Variants in CSMD1 observed in about 807,000 individuals in gnomAD.
CSMD1 encodes CUB and sushi domain-containing protein 1.
In CSMD1, 213 loss-of-function variants were observed where a neutral mutation model predicts 417.5. The observed-to-expected ratio is 0.51, with a 90% CI of 0.46 to 0.57. The LOEUF (loss-of-function observed/expected upper bound fraction) is 0.57, where lower values mean the gene tolerates loss of function less well. Ranked by LOEUF, CSMD1 falls within the 20% of genes least tolerant of loss-of-function variation. The probability of loss-of-function intolerance (pLI) is 0.00; values close to 1 mark genes in which losing one functional copy is unlikely to be tolerated. For synonymous variants in CSMD1, 2,862 were observed against 1,736.8 expected, an observed-to-expected ratio of 1.65 and a Z score of -16.11; for missense variants, 6,923 against 4,529.7, an observed-to-expected ratio of 1.53 and a Z score of -15.17.
chr8:4,046,328 T>G (rs1226409915), intron 3 of CSMD1, among the ~76,000 whole-genome samples: 1 of 152,160 alleles, frequency 6.6e-6, no homozygotes, highest in Non-Finnish European at 1.5e-5. Flanking sequence ...GGAAGTTAGC[T>G]TCTAAAAATA....
At chr8:3,957,707 G>T (rs1388170915) in intron 5 of CSMD1, among the ~76,000 whole-genome samples, 1 of 112,288 alleles carries the variant, frequency 8.9e-6, no homozygotes, top group Non-Finnish European at 1.9e-5. Context: ...AAGAGAAGAG[G>T]AAAAGAGAAA....
In CSMD1 at chr8:4,043,591, C is replaced by G. The variant is rs77093937; in HGVS notation, c.416-11492G>C. Among the ~76,000 whole-genome samples the G allele has an allele frequency of 2.8e-3, 425 of 152,264 alleles. 8 individuals are homozygous for G. In the East Asian group the frequency reaches 0.05, roughly 18 times the overall value. Reference sequence around the variant, plus strand: ...TGTCTGGCCGCCTTGAGGGGGAAATCAATGTAGAATAGCCAAACTGGAATT... The same window carrying G: ...TGTCTGGCCGCCTTGAGGGGGAAATGAATGTAGAATAGCCAAACTGGAATT... On this transcript the variant is annotated intron_variant, in intron 3 of 69. Transcript: ENST00000635120.
Position 3,069,255 on chromosome 8 carries a change from G to A in CSMD1, c.7475-16608C>T, listed in dbSNP as rs149751999. On this transcript the variant is annotated intron_variant, in intron 49 of 69. Coordinates refer to ENST00000635120, the MANE Select transcript of CSMD1 (RefSeq NM_033225.6). ...TTGAGACCAGCCTGGCCAACATGGT[G>A]AACACCCTGTCGCTACTAAAAATAC... Among the ~76,000 whole-genome samples the A allele has an allele frequency of 7.3e-3, 1,107 of 151,966 alleles. 12 individuals carry two copies. Among genetic ancestry groups the A allele is most frequent in the African/African-American group, 0.025 (1,035 of 41,446 alleles).
chr8:4,864,376 G>GT (rs1302582525), intron 1 of CSMD1, among the ~76,000 whole-genome samples: 7 of 151,924 alleles, frequency 4.6e-5, no homozygotes, highest in African/African-American at 1.4e-4. Context: ...ACGTAAAAAT[G>GT]TATTTGTCTT....
Position 4,479,832 on chromosome 8 carries a change from C to T in CSMD1, c.303-59767G>A, listed in dbSNP as rs558573129. Among the ~76,000 whole-genome samples, 7 of 151,868 alleles carry T rather than the reference C, an allele frequency of 4.6e-5. No homozygotes were observed. The East Asian group carries it at 1.2e-3, about 25-fold the overall frequency. On this transcript the variant is annotated intron_variant, in intron 2 of 69. Coordinates refer to ENST00000635120, the MANE Select transcript of CSMD1 (RefSeq NM_033225.6). Reference sequence around the variant, plus strand: ...CACAAAAATTAGCCAGGCGTGGTGGCGCCCACTCCTTTAGTTCCAGCTACT... The same window carrying T: ...CACAAAAATTAGCCAGGCGTGGTGGTGCCCACTCCTTTAGTTCCAGCTACT...
At chr8:4,840,535 G>C (rs115678714) in intron 1 of CSMD1, among the ~76,000 whole-genome samples, 5 of 152,200 alleles carry the variant, frequency 3.3e-5, no homozygotes, top group South Asian at 2.1e-4. Flanking sequence ...TGAAGGAGCA[G>C]CTTTCAAAAT....
At chr8:3,328,828 A>G (rs1474997285) in intron 23 of CSMD1, among the ~76,000 whole-genome samples, 1 of 152,238 alleles carries the variant, frequency 6.6e-6, no homozygotes. Context: ...GTTATATATG[A>G]TATCTTTTAA....
At chr8:4,351,874 C>A (rs1225672130) in intron 3 of CSMD1, among the ~76,000 whole-genome samples, 1 of 151,658 alleles carries the variant, frequency 6.6e-6, no homozygotes, top group East Asian at 1.9e-4. Flanking sequence ...TACGACAGGA[C>A]TTGTATGTGG....
intron 26 of CSMD1, among the ~76,000 whole-genome samples, chr8:3,254,540 A>G (rs1004303098): frequency 2.0e-5 from 3 of 152,174 alleles, no homozygotes; most frequent in Non-Finnish European, 2.9e-5. Flanking sequence ...GTCTTTTCAC[A>G]TAGTCCCATA....
intron 1 of CSMD1, among the ~76,000 whole-genome samples, chr8:4,824,394 T>G (rs1799694275): frequency 6.6e-6 from 1 of 152,086 alleles, no homozygotes; most frequent in Admixed American, 6.6e-5. Flanking sequence ...GAAAAGTGAT[T>G]AAGTCCCTGA....
chr8:3,297,869 T>C (rs556103056), intron 25 of CSMD1, among the ~76,000 whole-genome samples: 3 of 152,168 alleles, frequency 2.0e-5, no homozygotes, highest in Non-Finnish European at 1.5e-5. Flanking sequence ...AAAATTATTA[T>C]GACTCATTGG....
At chr8:4,967,562 G>C (rs959959442) in intron 1 of CSMD1, among the ~76,000 whole-genome samples, 1 of 151,998 alleles carries the variant, frequency 6.6e-6, no homozygotes, top group Non-Finnish European at 1.5e-5. Flanking sequence ...TGCAAATTTG[G>C]AAATTCTTAT....
At chr8:3,197,581 T>C (rs1796770808) in intron 33 of CSMD1, among the ~76,000 whole-genome samples, 1 of 151,310 alleles carries the variant, frequency 6.6e-6, no homozygotes, top group Admixed American at 6.6e-5. Context: ...TTCTCCTGCC[T>C]CAGCCTCCCG....
intron 1 of CSMD1, among the ~76,000 whole-genome samples, chr8:4,737,176 T>C (rs1810298226): frequency 6.6e-6 from 1 of 152,166 alleles, no homozygotes; most frequent in African/African-American, 2.4e-5. Context: ...TGAGATCATG[T>C]CCTCTGCAGG....
intron 5 of CSMD1, among the ~76,000 whole-genome samples, chr8:3,855,243 T>A (rs1008806064): frequency 6.6e-6 from 1 of 152,134 alleles, no homozygotes; most frequent in African/African-American, 2.4e-5. Flanking sequence ...AAAGAAGAAA[T>A]AACCATAGAT....
At chr8:3,079,986 C>T (rs1813967028) in intron 49 of CSMD1, among the ~76,000 whole-genome samples, 1 of 152,146 alleles carries the variant, frequency 6.6e-6, no homozygotes, top group Non-Finnish European at 1.5e-5. Context: ...TCTAAAAGGC[C>T]TGACTTTAAA....
chr8:4,941,228 T>C (rs1441662672), intron 1 of CSMD1, among the ~76,000 whole-genome samples: 1 of 152,014 alleles, frequency 6.6e-6, no homozygotes, highest in Admixed American at 6.6e-5. Context: ...CAAAACATTG[T>C]AACATTGTAA....
intron 3 of CSMD1, among the ~76,000 whole-genome samples, chr8:4,163,105 G>A (rs1018543786): frequency 4.6e-5 from 7 of 152,188 alleles, no homozygotes; most frequent in Non-Finnish European, 7.3e-5. Context: ...TCCATTGTCT[G>A]ATACACCACA....
chr8:3,464,281 G>T (rs763724491), intron 12 of CSMD1, among the ~76,000 whole-genome samples: 49 of 152,066 alleles, frequency 3.2e-4, no homozygotes, highest in Non-Finnish European at 5.9e-4. Flanking sequence ...AAAAACGTGG[G>T]ACCACTACAA....
Sources: gnomAD v4.1 joint callset for allele counts (sites outside exome capture counted in the v4.1 genomes callset) on GRCh38, gnomAD v4.1.1 for gene constraint, MANE v1.5 for transcripts, NCBI Gene and HGNC (gene_info 2026-07-23, HGNC 2026-07-21) for gene names.